The following MBTD1 variants were observed in gnomAD, a reference collection of about 807,000 sequenced individuals.
MBTD1 encodes the protein mbt domain containing 1.
Under a neutral mutation model 87.8 loss-of-function variants are expected in MBTD1, and 24 were observed. The ratio of observed to expected loss-of-function variants is 0.27; its 90% CI spans 0.20 to 0.38. The LOEUF (loss-of-function observed/expected upper bound fraction) is 0.38. Ranked by LOEUF, MBTD1 falls within the 10% of genes least tolerant of loss-of-function variation. The probability of loss-of-function intolerance (pLI) is 1.00; values close to 1 mark genes in which losing one functional copy is unlikely to be tolerated. For missense variants in MBTD1, 436 were observed against 760.2 expected, an observed-to-expected ratio of 0.57 and a Z score of 5.02; for synonymous variants, 237 against 248.6, an observed-to-expected ratio of 0.95 and a Z score of 0.44.
chr17:51,222,101 A>G (rs536203312), intron 3 of MBTD1, among the ~76,000 whole-genome samples: 1 of 152,354 alleles, frequency 6.6e-6, no homozygotes, highest in Non-Finnish European at 1.5e-5. Flanking sequence ...AATCTTTGCC[A>G]GAAATTATAC....
chr17:51,246,990 A>G (rs2054475758), intron 2 of MBTD1, among the ~76,000 whole-genome samples: 1 of 152,110 alleles, frequency 6.6e-6, no homozygotes, highest in Non-Finnish European at 1.5e-5. Flanking sequence ...TATAATATTA[A>G]GTCATGGAGA....
chr17:51,255,383 G>A (rs17574887), intron 2 of MBTD1, among the ~76,000 whole-genome samples: 59,756 of 151,844 alleles, frequency 0.39, 13,221 homozygotes, highest in East Asian at 0.6. Context: ...ACATTCTCTT[G>A]GTGTTTACCT....
chr17:51,192,304 G>C (rs755052345), intron 15 of MBTD1, 24 bp from the exon 16 acceptor site: 1 of 1,476,988 alleles, frequency 6.8e-7, no homozygotes, highest in Non-Finnish European at 9.3e-7. Context: ...AGGGAAAATT[G>C]GTACTAGATA....
intron 6 of MBTD1, among the ~76,000 whole-genome samples, chr17:51,209,769 G>T (rs2052061424): frequency 6.6e-6 from 1 of 152,140 alleles, no homozygotes; most frequent in African/African-American, 2.4e-5. Flanking sequence ...AGGTAACCAA[G>T]AAGGAATAAT....
rs929531885 is a variant in MBTD1 at position 51,180,094 on chromosome 17, G to C, written c.*482C>G. On this transcript the variant is annotated 3_prime_UTR_variant, in exon 17 of 17. Transcript: ENST00000586178. Reference sequence around the variant, plus strand: ...TGATGACCCCTCCATGAGGAGTTCAGTTGCATATTTCTGCAGCAAAAGAAG... The same window carrying C: ...TGATGACCCCTCCATGAGGAGTTCACTTGCATATTTCTGCAGCAAAAGAAG... 6.5e-6 allele frequency: 1 copy of C among 154,672 alleles called. No homozygotes were observed. The highest frequency in any genetic ancestry group is 1.4e-5 in the Non-Finnish European group (1 of 69,990). 9.6% of individuals were successfully genotyped at this position (154,672 alleles called of 1,614,324 possible).
chr17:51,242,789 A>ATATG (rs1382784795), intron 2 of MBTD1, among the ~76,000 whole-genome samples: 1 of 152,194 alleles, frequency 6.6e-6, no homozygotes, highest in African/African-American at 2.4e-5. Context: ...AGTAAACAGT[A>ATATG]TATGTACAGC....
At chr17:51,220,519 A>T in intron 3 of MBTD1, 56 bp from the exon 4 acceptor site, 1 of 1,418,552 alleles carries the variant, frequency 7.0e-7, no homozygotes, top group South Asian at 1.4e-5. Context: ...ATCAATCTTC[A>T]TCTAACAGTT....
chr17:51,238,802 A>G (rs1435727287), intron 2 of MBTD1, among the ~76,000 whole-genome samples: 2 of 152,236 alleles, frequency 1.3e-5, no homozygotes, highest in African/African-American at 2.4e-5. Context: ...AACTTGTGAT[A>G]AAAGTCAATG....
At chr17:51,203,325 C>T in intron 8 of MBTD1, 97 bp from the exon 9 acceptor site, 1 of 658,888 alleles carries the variant, frequency 1.5e-6, no homozygotes, top group Non-Finnish European at 2.4e-6. Context: ...CAAAGTCAGG[C>T]TATTAACATT....
intron 2 of MBTD1, among the ~76,000 whole-genome samples, chr17:51,232,095 C>T (rs754485623): frequency 6.6e-5 from 10 of 151,982 alleles, no homozygotes; most frequent in South Asian, 2.1e-4. Context: ...TTCAGGTCCA[C>T]GCTCTCGGTG....
intron 1 of MBTD1, among the ~76,000 whole-genome samples, chr17:51,259,533 C>T (rs532169991): frequency 6.6e-6 from 1 of 152,114 alleles, no homozygotes; most frequent in South Asian, 2.1e-4. Context: ...CCTTTCCCCC[C>T]TAGCCAGAGC....
chr17:51,203,668 A>AT, intron 8 of MBTD1, 123 bp downstream of exon 8: 1 of 1,044,780 alleles, frequency 9.6e-7, no homozygotes, highest in Non-Finnish European at 1.4e-6. Context: ...AAGTGCTGGG[A>AT]TTACAGGTGT....
At chr17:51,183,472 G>GT (rs956493138) in intron 16 of MBTD1, 14 of 152,238 alleles carry the variant, frequency 9.2e-5, no homozygotes, top group African/African-American at 3.4e-4. Flanking sequence ...GATTACAGGC[G>GT]TAAGCCACTG....
At chr17:51,232,679 TGAGTATG>T (rs1191334511) in intron 2 of MBTD1, among the ~76,000 whole-genome samples, 1 of 149,192 alleles carries the variant, frequency 6.7e-6, no homozygotes, top group Non-Finnish European at 1.5e-5. Context: ...CTTAAAGGAG[TGAGTATG>T]GAGAATGGAG....
In MBTD1 at chr17:51,203,933, C is replaced by T; in HGVS notation, c.605-8G>A. On this transcript the variant is annotated splice_polypyrimidine_tract_variant and splice_region_variant and intron_variant, in intron 7 of 16. Coordinates refer to ENST00000586178, the MANE Select transcript of MBTD1 (RefSeq NM_017643.3). ...TTAAAAGGGCATTGTAACCTGAAAC[C>T]CAGAAATAAATCACTACATAATAAG... The T allele has an allele frequency of 3.2e-6, 5 of 1,586,094 alleles. No individual in the cohort carries two copies. Among genetic ancestry groups the T allele is most frequent in the Non-Finnish European group, 4.3e-6 (5 of 1,169,834 alleles).
At position 51,192,201 on chromosome 17, in the gene MBTD1, A is replaced by G; in HGVS notation, c.1768+2T>C. On this transcript the variant is annotated splice_donor_variant, in intron 16 of 16. Transcript: ENST00000586178. LOFTEE classifies it high-confidence loss of function. ...GTATGTGAACACCACGTGGTGACCCACTTTTCTTATGTCCTTTGTATTGCT... is the reference window on the plus strand; with the variant it reads ...GTATGTGAACACCACGTGGTGACCCGCTTTTCTTATGTCCTTTGTATTGCT... The G allele has an allele frequency of 6.5e-7, 1 of 1,549,258 alleles. No homozygotes were observed. The highest frequency in any genetic ancestry group is 8.7e-7 in the Non-Finnish European group (1 of 1,145,216).
intron 2 of MBTD1, among the ~76,000 whole-genome samples, chr17:51,227,683 C>T (rs1303366853): frequency 6.6e-6 from 1 of 152,188 alleles, no homozygotes; most frequent in Non-Finnish European, 1.5e-5. Flanking sequence ...GGTGCAGTGG[C>T]TCACGCCTGT....
rs2051599785 is a variant in MBTD1, at chr17:51,203,265, A to G, written c.740-37T>C. On this transcript the variant is annotated intron_variant, in intron 8 of 16. Coordinates refer to ENST00000586178, the MANE Select transcript of MBTD1 (RefSeq NM_017643.3). ...GAAATAATCAGTTATACTTTAGCAA[A>G]AAAGAACTGCTTCATAAATTATTTG... 4.0e-6 allele frequency: 4 copies of G among 1,002,160 alleles called. No individual in the cohort carries two copies. In the South Asian group the frequency reaches 7.6e-5, roughly 19 times the overall value. The allele number at this position is 1,002,160 out of a possible 1,614,324, so 62.1% of individuals were successfully genotyped here.
At chr17:51,180,985 CAAT>C (rs940884448) in intron 16 of MBTD1, among the ~76,000 whole-genome samples, 1 of 149,054 alleles carries the variant, frequency 6.7e-6, no homozygotes, top group African/African-American at 2.5e-5. Context: ...TTTGTACAAA[CAAT>C]GATGTAGTTC....
Sources: allele counts gnomAD v4.1 joint callset (sites outside exome capture counted in the v4.1 genomes callset), GRCh38; gene constraint gnomAD v4.1.1; transcripts MANE v1.5; gene names NCBI Gene and HGNC (gene_info 2026-07-23, HGNC 2026-07-21).